Variants in HS6ST3 observed in about 807,000 individuals in gnomAD.
HS6ST3 encodes heparan-sulfate 6-O-sulfotransferase 3.
In HS6ST3, 12 loss-of-function variants were observed where a neutral mutation model predicts 36.7. That is an observed-to-expected ratio of 0.33 (90% CI 0.21 to 0.53). The LOEUF is 0.53. HS6ST3 is among the 20% of genes least tolerant of loss of function. HS6ST3 has a pLI of 0.95. For missense variants in HS6ST3, 584 were observed against 640.9 expected (o/e 0.91, Z 0.96); for synonymous variants, 240 against 257.5 (o/e 0.93, Z 0.65).
intron 1 of HS6ST3, among the ~76,000 whole-genome samples, chr13:96,584,325 G>A (rs559973637): frequency 6.6e-6 from 1 of 152,104 alleles, no homozygotes; most frequent in Non-Finnish European, 1.5e-5. Flanking sequence ...TGTATTTTTA[G>A]TAGAGATGGG....
Position 96,584,653 on chromosome 13 carries a change from A to G in HS6ST3, c.708-247837A>G, listed in dbSNP as rs566745978. 1.3e-4 allele frequency among the ~76,000 whole-genome samples: 20 copies of G among 152,316 alleles called. No homozygotes were observed. In the East Asian group the frequency reaches 3.9e-3, roughly 29 times the overall value. On this transcript the variant is annotated intron_variant, in intron 1 of 1. Transcript: ENST00000376705. ...TTAGGCTTAAGTGGCATAACAATGA[A>G]TAAGACATTATCCCTGGTCTTTTGT...
At chr13:96,312,752 G>C (rs1722344340) in intron 1 of HS6ST3, among the ~76,000 whole-genome samples, 1 of 151,972 alleles carries the variant, frequency 6.6e-6, no homozygotes, top group African/African-American at 2.4e-5. Context: ...AGGAGTTGCA[G>C]ACCAGCCTGG....
intron 1 of HS6ST3, among the ~76,000 whole-genome samples, chr13:96,778,925 C>T (rs2080329163): frequency 6.6e-6 from 1 of 152,012 alleles, no homozygotes; most frequent in African/African-American, 2.4e-5. Flanking sequence ...AACCCAAATG[C>T]CCATCAATGA....
chr13:96,176,641 G>A (rs981975959), intron 1 of HS6ST3, among the ~76,000 whole-genome samples: 2 of 152,096 alleles, frequency 1.3e-5, no homozygotes, highest in Non-Finnish European at 2.9e-5. Context: ...GACATCATGA[G>A]GTGGCAATCC....
At chr13:96,569,637 C>T (rs1306704050) in intron 1 of HS6ST3, among the ~76,000 whole-genome samples, 4 of 151,750 alleles carry the variant, frequency 2.6e-5, no homozygotes, top group Non-Finnish European at 4.4e-5. Context: ...TTTCATAACA[C>T]CCACATTTTC....
intron 1 of HS6ST3, among the ~76,000 whole-genome samples, chr13:96,211,174 C>T (rs920470358): frequency 3.3e-5 from 5 of 152,220 alleles, no homozygotes; most frequent in Non-Finnish European, 5.9e-5. Flanking sequence ...TCAGGTGATA[C>T]ATCTGCCTTG....
intron 1 of HS6ST3, among the ~76,000 whole-genome samples, chr13:96,538,806 A>G (rs929078885): frequency 1.3e-5 from 2 of 152,238 alleles, no homozygotes; most frequent in Admixed American, 6.5e-5. Context: ...ATAACCTGGG[A>G]AAAATCTTAT....
intron 1 of HS6ST3, among the ~76,000 whole-genome samples, chr13:96,372,234 A>G (rs2139441704): frequency 6.6e-6 from 1 of 152,256 alleles, no homozygotes; most frequent in East Asian, 1.9e-4. Context: ...TCTGATGACT[A>G]CTGATGTTGA....
intron 1 of HS6ST3, among the ~76,000 whole-genome samples, chr13:96,526,964 T>C (rs1008895004): frequency 1.3e-5 from 2 of 152,236 alleles, no homozygotes; most frequent in African/African-American, 4.8e-5. Flanking sequence ...AGTGAATACG[T>C]ATTGAAATTA....
At chr13:96,674,304 G>A (rs1030987550) in intron 1 of HS6ST3, among the ~76,000 whole-genome samples, 12 of 152,024 alleles carry the variant, frequency 7.9e-5, no homozygotes, top group African/African-American at 2.9e-4. Context: ...CATGCTTCCT[G>A]TACAGCCTGT....
At chr13:96,136,413 G>A (rs1447177369) in intron 1 of HS6ST3, among the ~76,000 whole-genome samples, 9 of 152,038 alleles carry the variant, frequency 5.9e-5, no homozygotes, top group East Asian at 3.9e-4. Flanking sequence ...AGGAACAGGC[G>A]TCTTACATGG....
At chr13:96,483,464 A>G (rs921867068) in intron 1 of HS6ST3, among the ~76,000 whole-genome samples, 1 of 152,226 alleles carries the variant, frequency 6.6e-6, no homozygotes, top group Non-Finnish European at 1.5e-5. Context: ...GGCCATATAG[A>G]CAATCCCTGC....
At chr13:96,246,849 G>C (rs1054811022) in intron 1 of HS6ST3, among the ~76,000 whole-genome samples, 4 of 152,146 alleles carry the variant, frequency 2.6e-5, no homozygotes, top group Non-Finnish European at 5.9e-5. Context: ...GGGCCAGGTA[G>C]TGTAAAAGAT....
rs111508131 is a variant in HS6ST3 at position 96,455,387 on chromosome 13, A to AT, written c.707+363830dup. On this transcript the variant is annotated intron_variant, in intron 1 of 1. Transcript: ENST00000376705. ...GGCGTGTACCACTATGCCCAGCTACATTTTTTTTTTTTCTATTTTTTGTAG... is the reference window on the plus strand; with the variant it reads ...GGCGTGTACCACTATGCCCAGCTACATTTTTTTTTTTTTCTATTTTTTGTAG... Among the ~76,000 whole-genome samples, 378 of 143,242 alleles carry AT rather than the reference A, an allele frequency of 2.6e-3. 3 individuals carry two copies. The highest frequency in any genetic ancestry group is 6.0e-3 in the African/African-American group (236 of 39,216). The allele number at this position is 143,242 out of a possible 152,430, so 94.0% of individuals were successfully genotyped here.
chr13:96,524,033 A>T (rs927504453), intron 1 of HS6ST3, among the ~76,000 whole-genome samples: 11 of 151,948 alleles, frequency 7.2e-5, no homozygotes, highest in Admixed American at 5.9e-4. Flanking sequence ...TGACCTACGG[A>T]TGGGGTTTTG....
At chr13:96,176,991 A>G (rs866278073) in intron 1 of HS6ST3, among the ~76,000 whole-genome samples, 1 of 152,242 alleles carries the variant, frequency 6.6e-6, no homozygotes, top group Non-Finnish European at 1.5e-5. Context: ...AAAAGAAGAC[A>G]TACACGCGGC....
chr13:96,149,038 C>T (rs998379807), intron 1 of HS6ST3, among the ~76,000 whole-genome samples: 2 of 152,032 alleles, frequency 1.3e-5, no homozygotes, highest in Non-Finnish European at 2.9e-5. Context: ...TTTTTGCCTT[C>T]GTAGTAAAAT....
At chr13:96,205,079 G>C (rs924444583) in intron 1 of HS6ST3, among the ~76,000 whole-genome samples, 16 of 145,268 alleles carry the variant, frequency 1.1e-4, no homozygotes, top group Non-Finnish European at 1.1e-4. Flanking sequence ...AAAATACATA[G>C]ACTACTAGCT....
intron 1 of HS6ST3, among the ~76,000 whole-genome samples, chr13:96,520,553 C>T (rs1168212749): frequency 6.6e-6 from 1 of 152,038 alleles, no homozygotes; most frequent in Non-Finnish European, 1.5e-5. Flanking sequence ...TGTAGTTCTC[C>T]TTGAAGAGGT....
Sources: gnomAD v4.1 joint callset for allele counts (sites outside exome capture counted in the v4.1 genomes callset) on GRCh38, gnomAD v4.1.1 for gene constraint, MANE v1.5 for transcripts, NCBI Gene and HGNC (gene_info 2026-07-23, HGNC 2026-07-21) for gene names.